Variants in RPS6KA2 observed in about 807,000 individuals in gnomAD.
RPS6KA2 encodes ribosomal protein S6 kinase alpha-2.
A neutral mutation model predicts 91.8 loss-of-function variants in RPS6KA2; 42 were observed. The observed-to-expected ratio is 0.46, with a 90% CI of 0.36 to 0.59. RPS6KA2 has a LOEUF of 0.59. Ranked by LOEUF, RPS6KA2 falls within the 20% of genes least tolerant of loss-of-function variation. The pLI, the probability that RPS6KA2 is intolerant of heterozygous loss-of-function variation, is 0.00. For synonymous variants in RPS6KA2, 414 were observed against 393.6 expected, an observed-to-expected ratio of 1.05 and a Z score of -0.61; for missense variants, 798 against 978.5, an observed-to-expected ratio of 0.82 and a Z score of 2.46.
chr6:166,599,443 G>T (rs981473697), intron 1 of RPS6KA2, among the ~76,000 whole-genome samples: 3 of 152,112 alleles, frequency 2.0e-5, no homozygotes, highest in Admixed American at 2.0e-4. Flanking sequence ...CAGATTAATA[G>T]CTGCCTCAAC....
intron 2 of RPS6KA2, among the ~76,000 whole-genome samples, chr6:166,759,904 A>G (rs1332821345): frequency 6.6e-6 from 1 of 152,236 alleles, no homozygotes; most frequent in East Asian, 1.9e-4. Flanking sequence ...GCCCTACTGC[A>G]GGGGATTTCT....
intron 1 of RPS6KA2, 146 bp from the exon 2 acceptor site, chr6:166,538,930 G>GTTTTTT: frequency 2.0e-6 from 1 of 506,414 alleles, no homozygotes. Flanking sequence ...CCATTTAGTT[G>GTTTTTT]TGTTTTTTTC....
intron 2 of RPS6KA2, among the ~76,000 whole-genome samples, chr6:166,713,516 T>C (rs936064491): frequency 1.3e-5 from 2 of 152,302 alleles, no homozygotes; most frequent in African/African-American, 4.8e-5. Flanking sequence ...AAAGGACCAG[T>C]GCGTAGATAT....
intron 4 of RPS6KA2, among the ~76,000 whole-genome samples, chr6:166,510,009 A>G (rs1004667999): frequency 2.6e-5 from 4 of 152,212 alleles, no homozygotes; most frequent in African/African-American, 9.6e-5. Context: ...CTAAATTATC[A>G]ATGGTATGGT....
intron 17 of RPS6KA2, among the ~76,000 whole-genome samples, chr6:166,421,472 CAG>C (rs1237269174): frequency 6.6e-6 from 1 of 152,168 alleles, no homozygotes; most frequent in African/African-American, 2.4e-5. Context: ...TACCCCCAAC[CAG>C]AGAGGACAAA....
chr6:166,623,419 G>T (rs1223559597), intron 1 of RPS6KA2, among the ~76,000 whole-genome samples: 1 of 152,230 alleles, frequency 6.6e-6, no homozygotes, highest in South Asian at 2.1e-4. Context: ...GTTCTGCTAA[G>T]TTAGGACGGT....
intron 2 of RPS6KA2, among the ~76,000 whole-genome samples, chr6:166,839,575 TG>T (rs1372010395): frequency 6.7e-6 from 1 of 149,496 alleles, no homozygotes; most frequent in Non-Finnish European, 1.5e-5. Context: ...ACTCGCTTCT[TG>T]TTTATAATGG....
chr6:166,618,987 A>T (rs1264055054), intron 1 of RPS6KA2, among the ~76,000 whole-genome samples: 3 of 152,056 alleles, frequency 2.0e-5, no homozygotes, highest in Non-Finnish European at 4.4e-5. Context: ...CCCTGTGCGT[A>T]TGGGCTCCAA....
chr6:166,725,670 C>T (rs578147682), intron 2 of RPS6KA2, among the ~76,000 whole-genome samples: 6 of 152,314 alleles, frequency 3.9e-5, no homozygotes, highest in African/African-American at 1.4e-4. Context: ...GGTGGGCCCA[C>T]GGGGAGACCC....
chr6:166,746,063 T>C (rs1342824726), intron 2 of RPS6KA2, among the ~76,000 whole-genome samples: 1 of 152,206 alleles, frequency 6.6e-6, no homozygotes, highest in Non-Finnish European at 1.5e-5. Flanking sequence ...ACACGCTTTT[T>C]CCTGCCCGGG....
At position 166,435,769 on chromosome 6, in the gene RPS6KA2, C is replaced by T. The variant is rs1779276267; in HGVS notation, c.1333-3279G>A. 6.6e-6 allele frequency among the ~76,000 whole-genome samples: 1 copy of T among 152,260 alleles called. No homozygotes were observed. The highest frequency in any genetic ancestry group is 2.4e-5 in the African/African-American group (1 of 41,464). ...ACTGCTGTGGGTGTGGGTGGCTTGG[C>T]CTGTGGCCATGTCACTTGCTGGTAC... On this transcript the variant is annotated intron_variant, in intron 14 of 20. Transcript: ENST00000265678. This position sits in a 1 kb window ranked among gnomAD's most constrained non-coding sequence, Gnocchi z 4.3.
At chr6:166,844,248 CA>C (rs1161775628) in intron 2 of RPS6KA2, among the ~76,000 whole-genome samples, 1 of 152,062 alleles carries the variant, frequency 6.6e-6, no homozygotes, top group African/African-American at 2.4e-5. Flanking sequence ...AAAACATGAA[CA>C]AAAGCTCCAA....
chr6:166,471,107 C>T (rs1780751335), intron 10 of RPS6KA2, among the ~76,000 whole-genome samples: 1 of 152,212 alleles, frequency 6.6e-6, no homozygotes, highest in Non-Finnish European at 1.5e-5. Flanking sequence ...AACGGCTGTG[C>T]TCCAAATCAG....
In RPS6KA2 at chr6:166,770,847, C is replaced by T. The variant is rs1222106716; in HGVS notation, c.123+87353G>A. 6.3e-7 allele frequency: 1 copy of T among 1,582,428 alleles called. No homozygotes were observed. The highest frequency in any genetic ancestry group is 1.1e-5 in the South Asian group (1 of 87,396). ...ATAAGCATGGAAAAAAACAAACCCA[C>T]AGGAACGCTTCTTACCTCTACGGAT... On this transcript the variant is annotated intron_variant, in intron 2 of 21. Coordinates refer to the RPS6KA2 transcript ENST00000503859. The surrounding 1 kb of genome is among the most constrained non-coding windows in gnomAD (Gnocchi z 5.1).
chr6:166,539,735 TAA>T (rs971908448), intron 1 of RPS6KA2, among the ~76,000 whole-genome samples: 2 of 152,104 alleles, frequency 1.3e-5, no homozygotes, highest in African/African-American at 4.8e-5. Context: ...ACTTCCCTTG[TAA>T]AGGGGTAGGC....
At chr6:166,416,660 C>T (rs557865127) in intron 19 of RPS6KA2, among the ~76,000 whole-genome samples, 2 of 122,608 alleles carry the variant, frequency 1.6e-5, no homozygotes, top group African/African-American at 5.1e-5. Context: ...ATTACCTCCA[C>T]CATCAGCTCC....
intron 3 of RPS6KA2, among the ~76,000 whole-genome samples, chr6:166,516,509 T>C (rs1399753241): frequency 6.6e-6 from 1 of 152,158 alleles, no homozygotes; most frequent in African/African-American, 2.4e-5. Flanking sequence ...CAAGCCTCTC[T>C]CTCTCTGAGC....
chr6:166,762,743 C>T (rs1778211405), intron 2 of RPS6KA2, among the ~76,000 whole-genome samples: 2 of 152,186 alleles, frequency 1.3e-5, no homozygotes, highest in Admixed American at 6.5e-5. Flanking sequence ...AAACGACCTT[C>T]ACTTCTGCCC....
chr6:166,768,436 C>T (rs1397115254), intron 2 of RPS6KA2, among the ~76,000 whole-genome samples: 3 of 152,212 alleles, frequency 2.0e-5, no homozygotes, highest in South Asian at 2.1e-4. Flanking sequence ...GTGCCACCCA[C>T]GCTTCTGGGA....
Sources: gnomAD v4.1 joint callset for allele counts (sites outside exome capture counted in the v4.1 genomes callset) on GRCh38, gnomAD v4.1.1 for gene constraint, Gnocchi (gnomAD v3.1) non-coding constraint, MANE v1.5 for transcripts, NCBI Gene and HGNC (gene_info 2026-07-23, HGNC 2026-07-21) for gene names.